Variants in COL9A1 observed in about 807,000 individuals in gnomAD.
The protein encoded by COL9A1 is collagen type IX alpha 1 chain, also known as collagen alpha-1(IX) chain.
In COL9A1, 104 loss-of-function variants were observed where a neutral mutation model predicts 142.6. The ratio of observed to expected loss-of-function variants is 0.73; its 90% CI spans 0.62 to 0.86. The LOEUF (loss-of-function observed/expected upper bound fraction) is 0.86, where lower values mean the gene tolerates loss of function less well. COL9A1 is among the 40% of genes least tolerant of loss of function. COL9A1 has a pLI of 0.00. For synonymous variants in COL9A1, 466 were observed against 396.0 expected (o/e 1.18, Z -2.10); for missense variants, 1,210 against 1,176.6 (o/e 1.03, Z -0.42).
chr6:70,225,452 T>C (rs1296588320), intron 37 of COL9A1, among the ~76,000 whole-genome samples: 1 of 152,154 alleles, frequency 6.6e-6, no homozygotes, highest in East Asian at 1.9e-4. Context: ...ATTTTCTTTC[T>C]TTCTTTCTTT....
At chr6:70,247,229 A>G (rs2127570801) in intron 28 of COL9A1, among the ~76,000 whole-genome samples, 1 of 152,374 alleles carries the variant, frequency 6.6e-6, no homozygotes, top group East Asian at 1.9e-4. Flanking sequence ...CAACTTCTTT[A>G]TAAACAAGTA....
intron 37 of COL9A1, among the ~76,000 whole-genome samples, chr6:70,221,010 A>G (rs1041578071): frequency 4.6e-5 from 7 of 152,236 alleles, no homozygotes; most frequent in African/African-American, 1.7e-4. Context: ...TAATATTTCT[A>G]TTGAAACATT....
Position 70,282,855 on chromosome 6 carries a change from G to A in COL9A1, c.801+43C>T, listed in dbSNP as rs770207877. On this transcript the variant is annotated intron_variant, in intron 7 of 37. Coordinates refer to ENST00000357250, the MANE Select transcript of COL9A1 (RefSeq NM_001851.6). ...GACCGCTGCGCCCCGACCTGTCCTCGTGTGCGCTTGAAAAATGCAAACACT... is the reference window on the plus strand; with the variant it reads ...GACCGCTGCGCCCCGACCTGTCCTCATGTGCGCTTGAAAAATGCAAACACT... The A allele has an allele frequency of 2.5e-6, 4 of 1,613,968 alleles. No homozygotes were observed. In the South Asian group the frequency reaches 3.3e-5, roughly 13 times the overall value.
At chr6:70,300,242 C>G in intron 3 of COL9A1, 67 bp from the exon 4 acceptor site, 1 of 1,607,506 alleles carries the variant, frequency 6.2e-7, no homozygotes, top group Non-Finnish European at 8.5e-7. Context: ...CCACAACTTT[C>G]CCAAATAAAA....
chr6:70,219,464 C>T (rs193135193), intron 37 of COL9A1, among the ~76,000 whole-genome samples: 27 of 152,312 alleles, frequency 1.8e-4, no homozygotes, highest in Non-Finnish European at 4.4e-5. Flanking sequence ...CAATATGGTG[C>T]CCATAGCCAA....
In COL9A1 at chr6:70,256,755, G is replaced by A; in HGVS notation, c.1503+13C>T. 1.2e-6 allele frequency: 2 copies of A among 1,612,548 alleles called. No individual in the cohort carries two copies. Among genetic ancestry groups the A allele is most frequent in the Non-Finnish European group, 1.7e-6 (2 of 1,179,484 alleles). On this transcript the variant is annotated intron_variant, in intron 21 of 37. Coordinates refer to ENST00000357250, the MANE Select transcript of COL9A1 (RefSeq NM_001851.6). ...AATCTATCATTGGGTTTTGTGGAAG[G>A]AAAATCACTTACAGGTGCACCAGGA...
Position 70,294,477 on chromosome 6 carries a change from T to C in COL9A1, c.386A>G (p.Asn129Ser). The C allele has an allele frequency of 6.2e-7, 1 of 1,614,152 alleles. No individual in the cohort carries two copies. Among genetic ancestry groups the C allele is most frequent in the South Asian group, 1.1e-5 (1 of 91,088 alleles). The stretch of plus-strand genomic sequence containing the variant: ...AGAGGAATCCTGAATCTGCCAAATG[T>C]TCCAGTTCTTTTTGAGAGTGCTTCC... ...MTGSTLKKNW[N>S]IWQIQDSSGK... Residue 129 changes from asparagine to serine, a missense_variant, in exon 5 of 38, where the codon AAC becomes AGC. Transcript: ENST00000357250.
At position 70,216,620 on chromosome 6, in the gene COL9A1, A is replaced by C; in HGVS notation, c.*277T>G. On this transcript the variant is annotated 3_prime_UTR_variant, in exon 38 of 38. Transcript: ENST00000357250. ...TAAAGCTCAAGATCCTGGGAACAGG[A>C]GTATAAATTTATTCAAGGGAGGTGT... 1 of 480,840 alleles carries C rather than the reference A, an allele frequency of 2.1e-6. No homozygotes were observed. 29.8% of individuals were successfully genotyped at this position (480,840 alleles called of 1,614,324 possible). A position where few individuals can be genotyped will look rare whatever the true frequency, so the allele number is the denominator to read the frequency against.
At chr6:70,280,732 T>TG in intron 10 of COL9A1, 80 bp downstream of exon 10, 1 of 1,376,546 alleles carries the variant, frequency 7.3e-7, no homozygotes. Context: ...TCTCTCTCCC[T>TG]CCCCCCCCAC....
intron 5 of COL9A1, among the ~76,000 whole-genome samples, chr6:70,287,342 T>C (rs1326492044): frequency 4.6e-5 from 7 of 152,154 alleles, no homozygotes; most frequent in Non-Finnish European, 8.8e-5. Flanking sequence ...TAAATTGTCA[T>C]TGAAAGACTT....
chr6:70,268,898 G>A (rs766792363), intron 16 of COL9A1, 38 bp from the exon 17 acceptor site: 1 of 1,593,986 alleles, frequency 6.3e-7, no homozygotes, highest in Non-Finnish European at 8.6e-7. Flanking sequence ...AAGAAAGACA[G>A]ACAGAGTGCA....
intron 28 of COL9A1, among the ~76,000 whole-genome samples, chr6:70,245,106 C>T (rs1191874684): frequency 1.3e-5 from 2 of 152,230 alleles, no homozygotes; most frequent in Admixed American, 1.3e-4. Context: ...GAAATCACCT[C>T]ACTGTGCAAA....
intron 30 of COL9A1, 132 bp from the exon 31 acceptor site, chr6:70,241,586 C>A: frequency 2.6e-6 from 2 of 764,554 alleles, no homozygotes; most frequent in South Asian, 1.6e-5. Flanking sequence ...CACTCCTCAC[C>A]ACCCAACAAG....
chr6:70,267,186 C>T (rs1772068596), intron 17 of COL9A1, among the ~76,000 whole-genome samples: 1 of 152,162 alleles, frequency 6.6e-6, no homozygotes, highest in Non-Finnish European at 1.5e-5. Flanking sequence ...CTGAAGGCTG[C>T]TCTGAAAACC....
intron 37 of COL9A1, chr6:70,222,844 A>G (rs1244208176): frequency 6.6e-6 from 1 of 152,118 alleles, no homozygotes; most frequent in East Asian, 1.9e-4. Flanking sequence ...TTTAGGTAAG[A>G]AAAGAATTTT....
intron 12 of COL9A1, among the ~76,000 whole-genome samples, chr6:70,273,320 T>C (rs1340576272): frequency 1.3e-5 from 2 of 152,138 alleles, no homozygotes; most frequent in Admixed American, 6.6e-5. Context: ...CAAAAAGGCA[T>C]CTCTATAAAT....
Position 70,263,909 on chromosome 6 carries a change from A to G in COL9A1, c.1342-612T>C, listed in dbSNP as rs77944266. Among the ~76,000 whole-genome samples the G allele has an allele frequency of 7.5e-3, 1,148 of 152,078 alleles. 23 individuals carry two copies. The highest frequency in any genetic ancestry group is 0.026 in the African/African-American group (1,088 of 41,548). On this transcript the variant is annotated intron_variant, in intron 18 of 37. Coordinates refer to ENST00000357250, the MANE Select transcript of COL9A1 (RefSeq NM_001851.6). ...ATATTTTTGCTCTATTTCTTCTTAC[A>G]TAGAAATCTGTAATTACCCGTAATT... is the stretch of plus-strand genomic sequence containing the variant.
At chr6:70,242,569 G>T (rs1269479222) in intron 29 of COL9A1, 93 bp downstream of exon 29, 10 of 1,068,186 alleles carry the variant, frequency 9.4e-6, no homozygotes, top group Non-Finnish European at 1.2e-5. Context: ...TCAAGTACAG[G>T]TAATTCAATT....
rs777064364 is a variant in COL9A1 at position 70,234,521 on chromosome 6, C to A, written c.2314+18G>T. On this transcript the variant is annotated intron_variant, in intron 35 of 37. Transcript: ENST00000357250. ...AGAGTTGATGGTGGAAAAAGTCAAA[C>A]CATTGTGATTTATTTACCTTGTATG... The A allele has an allele frequency of 8.7e-6, 14 of 1,613,318 alleles. No homozygotes were observed. In the East Asian group the frequency reaches 3.1e-4, roughly 36 times the overall value.
Sources: allele counts gnomAD v4.1 joint callset (sites outside exome capture counted in the v4.1 genomes callset), GRCh38; gene constraint gnomAD v4.1.1; transcripts MANE v1.5; gene names NCBI Gene and HGNC (gene_info 2026-07-23, HGNC 2026-07-21).